The following ARHGAP42 variants were observed in gnomAD, a reference collection of about 807,000 sequenced individuals.
ARHGAP42 encodes the protein Rho GTPase activating protein 42, also known as rho GTPase-activating protein 42.
ARHGAP42 carries 63 observed loss-of-function variants against 125.0 expected under a neutral mutation model. The ratio of observed to expected loss-of-function variants is 0.50; its 90% confidence interval spans 0.41 to 0.62. The LOEUF (loss-of-function observed/expected upper bound fraction) is 0.62. Ranked by LOEUF, ARHGAP42 falls within the 20% of genes least tolerant of loss-of-function variation. The pLI is 0.00. For synonymous variants in ARHGAP42, 339 were observed against 351.0 expected (o/e 0.97, Z 0.38); for missense variants, 766 against 1,024.2 (o/e 0.75, Z 3.44).
intron 2 of ARHGAP42, among the ~76,000 whole-genome samples, chr11:100,777,313 C>G (rs1434588005): frequency 6.6e-6 from 1 of 152,140 alleles, no homozygotes; most frequent in Non-Finnish European, 1.5e-5. Flanking sequence ...GGGTGTGCAT[C>G]AGTGGGTTAC....
intron 1 of ARHGAP42, among the ~76,000 whole-genome samples, chr11:100,738,743 A>G (rs1480959253): frequency 6.6e-6 from 1 of 152,250 alleles, no homozygotes; most frequent in South Asian, 2.1e-4. Flanking sequence ...GTGTTTTATT[A>G]TAATACAAAT....
chr11:100,875,091 CTCTCTCTCTCTCTCTCTGTGTG>C (rs893938448), intron 4 of ARHGAP42, among the ~76,000 whole-genome samples: 5 of 93,054 alleles, frequency 5.4e-5, no homozygotes, highest in African/African-American at 1.9e-4. Context: ...CTCTCTCTCT[CTCTCTCTCTCTCTCTCTGTGTG>C]TGTGTGTGTG....
At chr11:100,901,005 A>AT (rs1866530492) in intron 4 of ARHGAP42, among the ~76,000 whole-genome samples, 2 of 147,628 alleles carry the variant, frequency 1.4e-5, no homozygotes, top group Admixed American at 6.7e-5. Context: ...TTCTGCTCTG[A>AT]TTTTTCCCCA....
At chr11:100,721,917 G>C (rs1861765091) in intron 1 of ARHGAP42, among the ~76,000 whole-genome samples, 1 of 152,228 alleles carries the variant, frequency 6.6e-6, no homozygotes, top group African/African-American at 2.4e-5. Context: ...TTTGTGAGCA[G>C]ATTTTGTTTG....
rs1485413656 is a variant in ARHGAP42 at position 100,687,822 on chromosome 11, G to C, written c.144G>C (p.Gly48=). Residue 48 remains glycine (G), a synonymous_variant, in exon 1 of 24, where the codon GGG becomes GGC. Coordinates refer to ENST00000298815, the MANE Select transcript of ARHGAP42 (RefSeq NM_152432.4). Reference sequence around the variant, plus strand: ...TTAAGGACGGCTCTCTGCTCATTGGGGCGTTGAGGAGTAAGTAGGGCTGGC... The same window carrying C: ...TTAAGGACGGCTCTCTGCTCATTGGCGCGTTGAGGAGTAAGTAGGGCTGGC... ...ELIKDGSLLI[G]ALRNLSMAVQ... 6.5e-7 allele frequency: 1 copy of C among 1,549,192 alleles called. No individual in the cohort carries two copies. Among genetic ancestry groups the C allele is most frequent in the Non-Finnish European group, 8.7e-7 (1 of 1,145,516 alleles).
chr11:100,893,162 T>G (rs1866263569), intron 4 of ARHGAP42, among the ~76,000 whole-genome samples: 1 of 151,040 alleles, frequency 6.6e-6, no homozygotes, highest in African/African-American at 2.4e-5. Flanking sequence ...TTTAGGGGTG[T>G]GTGTGTGTGT....
chr11:100,728,203 C>G (rs1861893824), intron 1 of ARHGAP42, among the ~76,000 whole-genome samples: 1 of 152,174 alleles, frequency 6.6e-6, no homozygotes, highest in Non-Finnish European at 1.5e-5. Flanking sequence ...AACCTCTCAA[C>G]AGCAAGCCTG....
At chr11:100,892,466 G>A (rs1164124403) in intron 4 of ARHGAP42, among the ~76,000 whole-genome samples, 1 of 152,132 alleles carries the variant, frequency 6.6e-6, no homozygotes, top group Non-Finnish European at 1.5e-5. Flanking sequence ...TTTCTAAAAA[G>A]TGACACTCTG....
intron 15 of ARHGAP42, among the ~76,000 whole-genome samples, chr11:100,962,067 A>C (rs961661916): frequency 1.3e-5 from 2 of 152,030 alleles, no homozygotes; most frequent in African/African-American, 4.8e-5. Context: ...TTGGAATGGA[A>C]AGTTGTGTTG....
At chr11:100,913,701 G>A (rs1352240182) in intron 5 of ARHGAP42, 148 bp downstream of exon 5, 3 of 345,636 alleles carry the variant, frequency 8.7e-6, no homozygotes, top group Non-Finnish European at 1.1e-5. Context: ...TACTATGGGC[G>A]ATACTTTAAA....
chr11:100,808,599 G>T (rs1157374485), intron 3 of ARHGAP42, among the ~76,000 whole-genome samples: 1 of 150,742 alleles, frequency 6.6e-6, no homozygotes, highest in Non-Finnish European at 1.5e-5. Context: ...TAGAGACGGG[G>T]TTTCACCTTG....
chr11:100,740,534 G>A (rs1862162706), intron 1 of ARHGAP42, among the ~76,000 whole-genome samples: 1 of 152,210 alleles, frequency 6.6e-6, no homozygotes, highest in Admixed American at 6.5e-5. Flanking sequence ...CCATTTGAAG[G>A]CAGTATCATT....
intron 16 of ARHGAP42, among the ~76,000 whole-genome samples, chr11:100,964,759 C>G (rs1467252579): frequency 6.6e-6 from 1 of 152,132 alleles, no homozygotes; most frequent in Non-Finnish European, 1.5e-5. Context: ...TTACCGTTGT[C>G]ATTATGGGCT....
chr11:100,788,846 T>C (rs1474769479), intron 2 of ARHGAP42, among the ~76,000 whole-genome samples: 3 of 152,182 alleles, frequency 2.0e-5, no homozygotes, highest in Non-Finnish European at 4.4e-5. Flanking sequence ...AAATTTACCA[T>C]TGGATACAGC....
At chr11:100,771,468 A>G (rs138604513) in intron 2 of ARHGAP42, among the ~76,000 whole-genome samples, 1 of 152,340 alleles carries the variant, frequency 6.6e-6, no homozygotes, top group African/African-American at 2.4e-5. Flanking sequence ...AAAAGAGTAT[A>G]TAAAATATTT....
intron 3 of ARHGAP42, among the ~76,000 whole-genome samples, chr11:100,814,204 A>T (rs966762495): frequency 6.6e-6 from 1 of 151,894 alleles, no homozygotes; most frequent in Non-Finnish European, 1.5e-5. Flanking sequence ...TAAAAAAAAA[A>T]ATATTAGCTG....
intron 15 of ARHGAP42, 67 bp from the exon 16 acceptor site, chr11:100,962,342 C>A: frequency 1.6e-6 from 2 of 1,261,788 alleles, no homozygotes; most frequent in South Asian, 1.4e-5. Flanking sequence ...CTTAAAGAAA[C>A]ACTTAACGTT....
chr11:100,963,926 CT>C (rs1446035720), intron 16 of ARHGAP42, among the ~76,000 whole-genome samples: 1 of 152,034 alleles, frequency 6.6e-6, no homozygotes, highest in East Asian at 1.9e-4. Context: ...GCTCAATGAG[CT>C]TATTGTTTTA....
rs141387335 is a variant in ARHGAP42 at position 100,732,237 on chromosome 11, G to A, written c.155-38106G>A. On this transcript the variant is annotated intron_variant, in intron 1 of 23. Transcript: ENST00000298815. ...CTCCCAAAGTGCTGGGATTACAGGT[G>A]TGAGCCGCCGTGCCTGGCCTTAACT... 6.4e-3 allele frequency among the ~76,000 whole-genome samples: 977 copies of A among 152,274 alleles called. 11 individuals are homozygous for A. The highest frequency in any genetic ancestry group is 0.022 in the African/African-American group (934 of 41,552).
Sources: allele counts gnomAD v4.1 joint callset (sites outside exome capture counted in the v4.1 genomes callset), GRCh38; gene constraint gnomAD v4.1.1; transcripts MANE v1.5; gene names NCBI Gene and HGNC (gene_info 2026-07-23, HGNC 2026-07-21).